The following RBFOX1 variants were observed in gnomAD, a reference collection of about 807,000 sequenced individuals.
The protein encoded by RBFOX1 is RNA binding fox-1 homolog 1, also known as RNA binding protein fox-1 homolog 1.
A neutral mutation model predicts 57.7 loss-of-function variants in RBFOX1; 8 were observed. The observed-to-expected ratio is 0.14, with a 90% CI of 0.08 to 0.25. RBFOX1 has a LOEUF of 0.25. Among genes scored for constraint, RBFOX1 ranks in the 10% least tolerant of loss-of-function variants. RBFOX1 has a pLI of 1.00. For synonymous variants in RBFOX1, 326 were observed against 222.4 expected, an observed-to-expected ratio of 1.47 and a Z score of -4.15; for missense variants, 611 against 548.5, an observed-to-expected ratio of 1.11 and a Z score of -1.14.
At chr16:6,761,208 C>A (rs546428646) in intron 3 of RBFOX1, among the ~76,000 whole-genome samples, 3 of 152,116 alleles carry the variant, frequency 2.0e-5, no homozygotes, top group African/African-American at 7.2e-5. Context: ...GGCAAATGAG[C>A]AATAAATTTG....
intron 2 of RBFOX1, among the ~76,000 whole-genome samples, chr16:5,527,194 T>G (rs1412143338): frequency 2.6e-5 from 4 of 152,206 alleles, no homozygotes; most frequent in African/African-American, 9.6e-5. Flanking sequence ...CTCTTTGATT[T>G]CTGCTGTGTT....
chr16:5,340,566 T>C (rs1167371170), intron 1 of RBFOX1, among the ~76,000 whole-genome samples: 1 of 152,216 alleles, frequency 6.6e-6, no homozygotes, highest in Non-Finnish European at 1.5e-5. Flanking sequence ...ATGGAGCATT[T>C]AGTTTTTGGA....
chr16:5,743,660 C>G (rs944018163), intron 3 of RBFOX1, among the ~76,000 whole-genome samples: 1 of 152,104 alleles, frequency 6.6e-6, no homozygotes, highest in Non-Finnish European at 1.5e-5. Flanking sequence ...CATTATATTT[C>G]TTTTTTGTTT....
At chr16:5,973,927 A>G (rs2060011790) in intron 4 of RBFOX1, among the ~76,000 whole-genome samples, 2 of 152,226 alleles carry the variant, frequency 1.3e-5, no homozygotes, top group Admixed American at 1.3e-4. Flanking sequence ...GGACTCTGGC[A>G]TCAGGATGAC....
intron 3 of RBFOX1, among the ~76,000 whole-genome samples, chr16:6,990,897 A>G (rs1056933079): frequency 2.6e-5 from 4 of 152,116 alleles, no homozygotes; most frequent in Non-Finnish European, 5.9e-5. Context: ...GTCATTTTTT[A>G]TGATAGAAAA....
chr16:6,889,285 G>C (rs527865716), intron 3 of RBFOX1, among the ~76,000 whole-genome samples: 1 of 152,164 alleles, frequency 6.6e-6, no homozygotes, highest in Non-Finnish European at 1.5e-5. Flanking sequence ...GCTTTGACCA[G>C]TGAACTGTGA....
chr16:5,966,724 A>G (rs1596313483), intron 4 of RBFOX1, among the ~76,000 whole-genome samples: 1 of 152,198 alleles, frequency 6.6e-6, no homozygotes, highest in South Asian at 2.1e-4. Context: ...ATGGTGCTAA[A>G]ATCATTCACA....
chr16:6,985,130 A>T (rs1040494819), intron 3 of RBFOX1, among the ~76,000 whole-genome samples: 27 of 151,390 alleles, frequency 1.8e-4, no homozygotes, highest in African/African-American at 5.8e-4. Flanking sequence ...ACCCTACCCT[A>T]CCCTACCCTC....
chr16:7,220,432 T>C (rs1313888256), intron 4 of RBFOX1, among the ~76,000 whole-genome samples: 1 of 152,212 alleles, frequency 6.6e-6, no homozygotes, highest in Admixed American at 6.5e-5. Context: ...GAGAGAAAAG[T>C]GTTCATAGGA....
rs186675006 is a variant in RBFOX1, at chr16:6,264,820, A to G, written c.-126-52175A>G. 5.9e-5 allele frequency among the ~76,000 whole-genome samples: 9 copies of G among 152,148 alleles called. No individual in the cohort carries two copies. In the East Asian group the frequency reaches 1.7e-3, roughly 29 times the overall value. On this transcript the variant is annotated intron_variant, in intron 1 of 15. Coordinates refer to ENST00000550418, the MANE Select transcript of RBFOX1 (RefSeq NM_018723.4). ...ACTATCTGATTAGTTTTTTTGTTTT[A>G]TTTCTGTCTTGCTCAGGAAATTTCT...
At chr16:7,077,869 T>A (rs557060324) in intron 4 of RBFOX1, among the ~76,000 whole-genome samples, 2 of 152,334 alleles carry the variant, frequency 1.3e-5, no homozygotes, top group Non-Finnish European at 2.9e-5. Context: ...CATTAGCTAC[T>A]TTGTATCCCT....
chr16:7,695,293 C>T (rs1185140116), intron 14 of RBFOX1, among the ~76,000 whole-genome samples: 1 of 152,152 alleles, frequency 6.6e-6, no homozygotes. Context: ...AGCAAGTTCA[C>T]CTTGCTCATA....
chr16:7,538,487 A>G (rs943194435), intron 5 of RBFOX1, among the ~76,000 whole-genome samples: 4 of 152,148 alleles, frequency 2.6e-5, no homozygotes, highest in African/African-American at 4.8e-5. Context: ...CATACATTCG[A>G]AATTATTTGT....
chr16:5,239,918 C>G, exon 1 of RBFOX1: 1 of 1,514,664 alleles, frequency 6.6e-7, no homozygotes, highest in Non-Finnish European at 8.8e-7. Context: ...TCCGAAGCCA[C>G]TGGCAAGCCC....
At chr16:6,637,471 T>TAAA in intron 2 of RBFOX1, among the ~76,000 whole-genome samples, 1 of 83,900 alleles carries the variant, frequency 1.2e-5, no homozygotes, top group East Asian at 3.8e-4. Flanking sequence ...GTATTATATA[T>TAAA]TATATATAAT....
chr16:5,304,893 C>T lies in RBFOX1; in HGVS notation c.219+64788C>T, dbSNP rs9935998. ...TCATTTGCATTTCTCCTATTCCCTG[C>T]GAATTTGAACCTCTTCATGACATTA... On this transcript the variant is annotated intron_variant, in intron 1 of 2. Transcript: ENST00000585867. 4.5e-3 allele frequency among the ~76,000 whole-genome samples: 688 copies of T among 152,238 alleles called. 3 individuals carry two copies. The highest frequency in any genetic ancestry group is 0.014 in the African/African-American group (597 of 41,550).
At chr16:7,387,428 A>G (rs1015417668) in intron 4 of RBFOX1, among the ~76,000 whole-genome samples, 1 of 152,132 alleles carries the variant, frequency 6.6e-6, no homozygotes, top group African/African-American at 2.4e-5. Flanking sequence ...TACTGACATG[A>G]TATTCATTCA....
chr16:6,401,042 C>G (rs2093048513), intron 2 of RBFOX1, among the ~76,000 whole-genome samples: 1 of 152,124 alleles, frequency 6.6e-6, no homozygotes. Context: ...AACTAGCTCC[C>G]AGATCTTGGT....
intron 1 of RBFOX1, among the ~76,000 whole-genome samples, chr16:5,303,298 C>G (rs1035675187): frequency 2.0e-5 from 3 of 152,178 alleles, no homozygotes; most frequent in Non-Finnish European, 2.9e-5. Context: ...GATTTTCTGT[C>G]AGGCTGTGGC....
Sources: gnomAD v4.1 joint callset for allele counts (sites outside exome capture counted in the v4.1 genomes callset) on GRCh38, gnomAD v4.1.1 for gene constraint, MANE v1.5 for transcripts, NCBI Gene and HGNC (gene_info 2026-07-23, HGNC 2026-07-21) for gene names.